Variants in SLC2A6 observed in about 807,000 individuals in gnomAD.
SLC2A6 encodes the protein solute carrier family 2, facilitated glucose transporter member 6.
A neutral mutation model predicts 47.8 loss-of-function variants in SLC2A6; 39 were observed. The ratio of observed to expected loss-of-function variants is 0.82; its 90% CI spans 0.63 to 1.07. SLC2A6 has a LOEUF of 1.07. Among genes scored for constraint, SLC2A6 ranks in the 50% least tolerant of loss-of-function variants. SLC2A6 has a pLI of 0.00. For missense variants in SLC2A6, 650 were observed against 707.6 expected (o/e 0.92, Z 0.92); for synonymous variants, 346 against 324.1 (o/e 1.07, Z -0.73).
chr9:133,473,978 A>G lies in SLC2A6; in HGVS notation c.1036+2T>C, dbSNP rs868762877. ...CAGGAGGGCTGCCTGCAGGGTGCTT[A>G]CCTGAGACGAAGAGCAGCACCTTGC... On this transcript the variant is annotated splice_donor_variant, in intron 7 of 9. Transcript: ENST00000371899. LOFTEE classifies it high-confidence loss of function. The G allele has an allele frequency of 1.2e-6, 2 of 1,603,012 alleles. No homozygotes were observed. Among genetic ancestry groups the G allele is most frequent in the African/African-American group, 1.3e-5 (1 of 74,936 alleles).
At position 133,472,189 on chromosome 9, in the gene SLC2A6, A is replaced by G. The variant is rs1404734881; in HGVS notation, c.1369-13T>C. 1 of 1,611,470 alleles carries G rather than the reference A, an allele frequency of 6.2e-7. No individual in the cohort carries two copies. Among genetic ancestry groups the G allele is most frequent in the Non-Finnish European group, 8.5e-7 (1 of 1,179,438 alleles). On this transcript the variant is annotated splice_polypyrimidine_tract_variant and intron_variant, in intron 9 of 9. Coordinates refer to ENST00000371899, the MANE Select transcript of SLC2A6 (RefSeq NM_017585.4). ...GGCCGAAGGTGCTCTGCGGGTGAAG[A>G]GCGGGGCCGGGTCACAGGGAGAAGC...
In SLC2A6 at chr9:133,471,869, C is replaced by T; in HGVS notation, c.*152G>A. 1 of 882,648 alleles carries T rather than the reference C, an allele frequency of 1.1e-6. No individual in the cohort carries two copies. The highest frequency in any genetic ancestry group is 1.7e-6 in the Non-Finnish European group (1 of 591,462). 54.7% of individuals were successfully genotyped at this position (882,648 alleles called of 1,614,324 possible). A position where few individuals can be genotyped will look rare whatever the true frequency, so the allele number is the denominator to read the frequency against. On this transcript the variant is annotated 3_prime_UTR_variant, in exon 10 of 10. Coordinates refer to ENST00000371899, the MANE Select transcript of SLC2A6 (RefSeq NM_017585.4). ...AGTGCTACCTGTCCCGAGCCAGGGG[C>T]ACCCGCTGCTGAGGCCCCATCACAC...
chr9:133,474,802 C>T (rs1353580090), intron 6 of SLC2A6, among the ~76,000 whole-genome samples, 159 bp downstream of exon 6: 2 of 152,246 alleles, frequency 1.3e-5, no homozygotes, highest in Non-Finnish European at 2.9e-5. Flanking sequence ...CCACAAGGCC[C>T]AGATCTCAGA....
Position 133,475,466 on chromosome 9 carries a change from C to G in SLC2A6, c.708G>C (p.Trp236Cys). Residue 236 changes from tryptophan (W) to cysteine (C), a missense_variant, in exon 5 of 10, where the codon TGG becomes TGC. Coordinates refer to ENST00000371899, the MANE Select transcript of SLC2A6 (RefSeq NM_017585.4). ...GGACATCGACGTCCGTCCCACGCAG[C>G]CAGGCCAGCGCCCGCAGGGCCTCTT... ...RDEEALRALA[W>C]LRGTDVDVHW... 6.2e-7 allele frequency: 1 copy of G among 1,611,874 alleles called. No homozygotes were observed. The highest frequency in any genetic ancestry group is 8.5e-7 in the Non-Finnish European group (1 of 1,179,820).
Position 133,473,204 on chromosome 9 carries a change from C to G in SLC2A6, c.1269G>C (p.Glu423Asp), listed in dbSNP as rs1554802177. The change falls in exon 9 of 10, where the codon GAG becomes GAC. Residue 423 changes from glutamate (E) to aspartate (D), a missense_variant. Physicochemically the swap from Glu to Asp is conservative, Grantham distance 45 (BLOSUM62 2). Transcript: ENST00000371899. ...WGPITWLLMSEVLPLRARGVA... is the reference protein window; with the variant it reads ...WGPITWLLMSDVLPLRARGVA... ...CGCCACGGGCACGCAGGGGCAGGAC[C>G]TCAGACATGAGCAGCCAGGTGATGG... 1 of 1,602,414 alleles carries G rather than the reference C, an allele frequency of 6.2e-7. No homozygotes were observed. The highest frequency in any genetic ancestry group is 8.5e-7 in the Non-Finnish European group (1 of 1,175,550).
In SLC2A6 at chr9:133,473,527, GTTGGGGC is replaced by G; in HGVS notation, c.1103_1109del (p.Ser368ThrfsTer87). ...ACTCGCTTTCCAGGCCCGCAGTGCT[GTTGGGGC>G]TCAGAGGCCTGGGGCCAAAGTGGAT... On this transcript the variant is annotated frameshift_variant, in exon 8 of 10. Coordinates refer to ENST00000371899, the MANE Select transcript of SLC2A6 (RefSeq NM_017585.4). LOFTEE classifies it high-confidence loss of function. 6.3e-7 allele frequency: 1 copy of G among 1,592,942 alleles called. No homozygotes were observed. Among genetic ancestry groups the G allele is most frequent in the Non-Finnish European group, 8.5e-7 (1 of 1,171,468 alleles).
chr9:133,477,689 G>A (rs1266894716), intron 2 of SLC2A6, among the ~76,000 whole-genome samples: 9 of 152,182 alleles, frequency 5.9e-5, no homozygotes, highest in South Asian at 4.1e-4. Context: ...TGGGGAGAGC[G>A]CAAGTTCTAC....
chr9:133,471,845 G>A lies in SLC2A6; in HGVS notation c.*176C>T. The A allele has an allele frequency of 1.5e-6, 1 of 681,904 alleles. No individual in the cohort carries two copies. Among genetic ancestry groups the A allele is most frequent in the East Asian group, 2.7e-5 (1 of 36,372 alleles). The allele number at this position is 681,904 out of a possible 1,614,324, so 42.2% of individuals were successfully genotyped here. ...GGGCTGGGGCTGTGGCTGGACAGCA[G>A]TGCTACCTGTCCCGAGCCAGGGGCA... On this transcript the variant is annotated 3_prime_UTR_variant, in exon 10 of 10. Coordinates refer to ENST00000371899, the MANE Select transcript of SLC2A6 (RefSeq NM_017585.4).
rs782384657 is a variant in SLC2A6 at position 133,474,010 on chromosome 9, C to T, written c.1006G>A (p.Ala336Thr). ...VLIAALTMDLAGRKVLLFVSA... is the reference protein window; with the variant it reads ...VLIAALTMDLTGRKVLLFVSA... ...ACGAAGAGCAGCACCTTGCGGCCTG[C>T]GAGGTCCATGGTGAGGGCGGCGATC... Residue 336 changes from alanine (A) to threonine (T), a missense_variant, in exon 7 of 10, where the codon GCA (alanine) becomes ACA (threonine). Transcript: ENST00000371899. 5.6e-6 allele frequency: 9 copies of T among 1,610,258 alleles called. No homozygotes were observed. Among genetic ancestry groups the T allele is most frequent in the East Asian group, 2.2e-5 (1 of 44,796 alleles).
rs1843697605 is a variant in SLC2A6, at chr9:133,471,163, G to A, written c.*858C>T. 1.3e-5 allele frequency: 2 copies of A among 151,832 alleles called. No homozygotes were observed. Among genetic ancestry groups the A allele is most frequent in the African/African-American group, 4.8e-5 (2 of 41,338 alleles). The allele number at this position is 151,832 out of a possible 1,614,324, so 9.4% of individuals were successfully genotyped here. On this transcript the variant is annotated 3_prime_UTR_variant, in exon 10 of 10. Transcript: ENST00000371899. ...TGCAGATAGGAGCTGCCTGTTCCCA[G>A]AGGTTGGGCTGGGGCAGGAGGAAGT...
At chr9:133,478,902 G>A in intron 1 of SLC2A6, 66 bp downstream of exon 1, 1 of 1,430,110 alleles carries the variant, frequency 7.0e-7, no homozygotes, top group Non-Finnish European at 9.3e-7. Context: ...GGAGCCTGCC[G>A]CCGGCTGGAG....
chr9:133,476,192 AC>A (rs781820346), intron 4 of SLC2A6, 44 bp downstream of exon 4: 3 of 1,477,442 alleles, frequency 2.0e-6, no homozygotes, highest in Non-Finnish European at 2.8e-6. Context: ...GGCGGCACCC[AC>A]CCCTCCCACC....
At position 133,472,224 on chromosome 9, in the gene SLC2A6, C is replaced by G. The variant is rs782795024; in HGVS notation, c.1369-48G>C. 1.1e-5 allele frequency: 17 copies of G among 1,602,636 alleles called. No homozygotes were observed. The Admixed American group carries it at 2.0e-4, about 19-fold the overall frequency. On this transcript the variant is annotated intron_variant, in intron 9 of 9. Transcript: ENST00000371899. ...GGTCACAGGGAGAAGCTCCAGGGTC[C>G]TCCTGCCCCAGAGGAGCTCGTGGGC... is the stretch of plus-strand genomic sequence containing the variant.
At chr9:133,473,013 A>T (rs1297637692) in intron 9 of SLC2A6, 92 bp downstream of exon 9, 1 of 1,383,116 alleles carries the variant, frequency 7.2e-7, no homozygotes, top group African/African-American at 1.5e-5. Flanking sequence ...TAGGGTCCTG[A>T]CAGCAGGCCT....
At chr9:133,476,969 G>T in intron 3 of SLC2A6, 66 bp downstream of exon 3, 1 of 1,496,054 alleles carries the variant, frequency 6.7e-7, no homozygotes, top group Non-Finnish European at 9.0e-7. Flanking sequence ...GGAGGCCTTA[G>T]TCAGATGGAG....
Position 133,477,056 on chromosome 9 carries a change from C to T in SLC2A6, c.441G>A (p.Gly147=), listed in dbSNP as rs34209214. The T allele has an allele frequency of 9.1e-6, 14 of 1,546,304 alleles. No individual in the cohort carries two copies. The highest frequency in any genetic ancestry group is 1.1e-5 in the Non-Finnish European group (13 of 1,146,118). Residue 147 remains glycine (G), a synonymous_variant, in exon 3 of 10, where the codon GGG becomes GGA. Transcript: ENST00000371899. ...LGRTLTGFAG[G]LTAACIPVYV... ...TTACCGGGATGCAGGCAGCTGTGAG[C>T]CCCCCGGCGAAGCCCGTCAGCGTCC... is the stretch of plus-strand genomic sequence containing the variant.
intron 3 of SLC2A6, 45 bp downstream of exon 3, chr9:133,476,990 A>T: frequency 6.5e-7 from 1 of 1,533,894 alleles, no homozygotes; most frequent in Non-Finnish European, 8.8e-7. Flanking sequence ...GCTCAGCACC[A>T]ATACAGAGGC....
Position 133,473,785 on chromosome 9 carries a change from G to A in SLC2A6, c.1037-185C>T, listed in dbSNP as rs903020993. ...TAGGCTCCCACCGTGGAGTGTCACA[G>A]CCAGTGTGTCCACTCGGAGCCCCAG... On this transcript the variant is annotated intron_variant, in intron 7 of 9. Transcript: ENST00000371899. 24 of 756,292 alleles carry A rather than the reference G, an allele frequency of 3.2e-5. No homozygotes were observed. In the South Asian group the frequency reaches 4.5e-4, roughly 14 times the overall value. The allele number at this position is 756,292 out of a possible 1,614,324, so 46.8% of individuals were successfully genotyped here. A position where few individuals can be genotyped will look rare whatever the true frequency, so the allele number is the denominator to read the frequency against.
In SLC2A6 at chr9:133,478,266, T is replaced by C. The variant is rs1844033696; in HGVS notation, c.243A>G (p.Ala81=). Residue 81 remains alanine, a synonymous_variant, in exon 2 of 10, where the codon GCA becomes GCG. Transcript: ENST00000371899. ...GGATGGTCCTTACCCCAAACCAGGATGCCTGGGATTTGGTCAGATGCAGGT... is the reference window on the plus strand; with the variant it reads ...GGATGGTCCTTACCCCAAACCAGGACGCCTGGGATTTGGTCAGATGCAGGT... ...DPDLHLTKSQ[A]SWFGSVFTLG... 1 of 1,613,984 alleles carries C rather than the reference T, an allele frequency of 6.2e-7. No individual in the cohort carries two copies. Among genetic ancestry groups the C allele is most frequent in the Non-Finnish European group, 8.5e-7 (1 of 1,179,992 alleles).
Sources: gnomAD v4.1 joint callset for allele counts (sites outside exome capture counted in the v4.1 genomes callset) on GRCh38, gnomAD v4.1.1 for gene constraint, MANE v1.5 for transcripts, NCBI Gene and HGNC (gene_info 2026-07-23, HGNC 2026-07-21) for gene names.